Variants in PPP2R2A observed in about 807,000 individuals in gnomAD.
PPP2R2A encodes the protein serine/threonine-protein phosphatase 2A 55 kDa regulatory subunit B alpha isoform.
A neutral mutation model predicts 53.2 loss-of-function variants in PPP2R2A; 9 were observed. The ratio of observed to expected loss-of-function variants is 0.17; its 90% CI spans 0.10 to 0.30. The LOEUF (loss-of-function observed/expected upper bound fraction) is 0.30, where lower values mean the gene tolerates loss of function less well. Among genes scored for constraint, PPP2R2A ranks in the 10% least tolerant of loss-of-function variants. The probability of loss-of-function intolerance (pLI) is 1.00; values close to 1 mark genes in which losing one functional copy is unlikely to be tolerated. For missense variants in PPP2R2A, 235 were observed against 534.6 expected, an observed-to-expected ratio of 0.44 and a Z score of 5.53; for synonymous variants, 169 against 174.2, an observed-to-expected ratio of 0.97 and a Z score of 0.23.
intron 2 of PPP2R2A, among the ~76,000 whole-genome samples, chr8:26,297,343 A>G (rs893885197): frequency 6.6e-6 from 1 of 152,082 alleles, no homozygotes; most frequent in Non-Finnish European, 1.5e-5. Context: ...CCTGACCTCA[A>G]GTGATCCACC....
At chr8:26,361,793 C>T (rs1756825082) in intron 6 of PPP2R2A, among the ~76,000 whole-genome samples, 1 of 151,910 alleles carries the variant, frequency 6.6e-6, no homozygotes, top group Non-Finnish European at 1.5e-5. Flanking sequence ...AACCCCGTCT[C>T]TCCTAAAAAT....
At chr8:26,340,478 TA>T (rs1214254992) in intron 3 of PPP2R2A, among the ~76,000 whole-genome samples, 2 of 152,138 alleles carry the variant, frequency 1.3e-5, no homozygotes, top group Admixed American at 6.5e-5. Flanking sequence ...ACTTTACTTT[TA>T]TTTTAAAGAA....
chr8:26,364,936 G>C (rs537871271), intron 8 of PPP2R2A, among the ~76,000 whole-genome samples: 2 of 152,146 alleles, frequency 1.3e-5, no homozygotes, highest in Non-Finnish European at 2.9e-5. Context: ...GTATACCTGG[G>C]GTTCTTGGAA....
At chr8:26,310,481 T>G (rs1802236407) in intron 2 of PPP2R2A, among the ~76,000 whole-genome samples, 1 of 151,562 alleles carries the variant, frequency 6.6e-6, no homozygotes, top group Admixed American at 6.6e-5. Flanking sequence ...AGTTAACATA[T>G]ATGAGAAGAT....
At chr8:26,361,270 G>A in intron 6 of PPP2R2A, 119 bp downstream of exon 6, 1 of 918,778 alleles carries the variant, frequency 1.1e-6, no homozygotes. Context: ...ATATATGTAT[G>A]GCACCTTATT....
rs1476775274 is a variant in PPP2R2A at position 26,293,730 on chromosome 8, T to C, written c.72T>C (p.Asp24=). 2 of 1,613,780 alleles carry C rather than the reference T, an allele frequency of 1.2e-6. No individual in the cohort carries two copies. The highest frequency in any genetic ancestry group is 1.7e-6 in the Non-Finnish European group (2 of 1,179,784). ...FSQVKGAVDD[D]VAEADIISTV... is the part of the protein sequence containing the mutation. ...AGGTGAAAGGAGCAGTAGATGATGA[T>C]GTAGCAGAAGGTAAGAAAGCGTTTA... is the stretch of plus-strand genomic sequence containing the variant. The change falls in exon 2 of 10, where the codon GAT becomes GAC. Residue 24 remains aspartate, a synonymous_variant. Coordinates refer to ENST00000380737, the MANE Select transcript of PPP2R2A (RefSeq NM_002717.4).
chr8:26,291,510 G>T lies in PPP2R2A; in HGVS notation c.-310G>T, dbSNP rs1267652294. 1.7e-5 allele frequency: 7 copies of T among 408,600 alleles called. No individual in the cohort carries two copies. The South Asian group carries it at 1.8e-4, about 10-fold the overall frequency. The allele number at this position is 408,600 out of a possible 1,614,324, so 25.3% of individuals were successfully genotyped here. ...CCCCCTAGGTGACGTCACTGGCCAG[G>T]CCAGCCGGCGCCATTTTGAAAGTGG... On this transcript the variant is annotated 5_prime_UTR_variant, in exon 1 of 10. Coordinates refer to ENST00000380737, the MANE Select transcript of PPP2R2A (RefSeq NM_002717.4).
chr8:26,361,558 A>G (rs1805082638), intron 6 of PPP2R2A, among the ~76,000 whole-genome samples: 1 of 152,102 alleles, frequency 6.6e-6, no homozygotes, highest in African/African-American at 2.4e-5. Flanking sequence ...AGTGAGCTTG[A>G]TTGTGCCTCT....
chr8:26,342,789 A>G (rs949783395), intron 3 of PPP2R2A, among the ~76,000 whole-genome samples: 2 of 152,182 alleles, frequency 1.3e-5, no homozygotes, highest in Non-Finnish European at 2.9e-5. Flanking sequence ...CAGGATACAG[A>G]AGAAACCTTA....
intron 2 of PPP2R2A, among the ~76,000 whole-genome samples, chr8:26,299,786 G>A (rs1172751437): frequency 1.3e-5 from 2 of 151,316 alleles, no homozygotes; most frequent in African/African-American, 2.4e-5. Flanking sequence ...GTTTCTTAGA[G>A]TAGTATGCAT....
chr8:26,330,510 T>C (rs73217705), intron 2 of PPP2R2A, among the ~76,000 whole-genome samples: 23 of 151,918 alleles, frequency 1.5e-4, no homozygotes, highest in Non-Finnish European at 2.1e-4. Context: ...TTTGTTTTTT[T>C]AGTAGAGACA....
At chr8:26,293,891 A>G (rs1180826090) in intron 2 of PPP2R2A, 151 bp downstream of exon 2, 8 of 675,556 alleles carry the variant, frequency 1.2e-5, no homozygotes, top group South Asian at 2.0e-5. Context: ...TACCTTTCTG[A>G]AAAACAGCCT....
In PPP2R2A at chr8:26,319,726, A is replaced by AT. The variant is rs201283700; in HGVS notation, c.83-19155dup. Among the ~76,000 whole-genome samples, 108 of 151,642 alleles carry AT rather than the reference A, an allele frequency of 7.1e-4. 1 individual carries two copies. The highest frequency in any genetic ancestry group is 3.4e-3 in the Middle Eastern group (1 of 294). On this transcript the variant is annotated intron_variant, in intron 2 of 9. Coordinates refer to ENST00000380737, the MANE Select transcript of PPP2R2A (RefSeq NM_002717.4). ...CCATTGATAGAACCCATTAGGGTGG[A>AT]TTTTTTTTTATTTATACAAAAAGTG...
chr8:26,337,450 C>G (rs1194798819), intron 2 of PPP2R2A, among the ~76,000 whole-genome samples: 2 of 152,214 alleles, frequency 1.3e-5, no homozygotes, highest in African/African-American at 4.8e-5. Context: ...CTACTCTTTG[C>G]TCCTACTTAA....
intron 2 of PPP2R2A, among the ~76,000 whole-genome samples, chr8:26,337,418 T>C (rs1334808002): frequency 1.3e-5 from 2 of 152,192 alleles, no homozygotes; most frequent in Non-Finnish European, 2.9e-5. Context: ...ACCCTCAGAT[T>C]TGATTCAATA....
chr8:26,312,172 G>A (rs1474252043), intron 2 of PPP2R2A, among the ~76,000 whole-genome samples: 1 of 152,202 alleles, frequency 6.6e-6, no homozygotes, highest in Non-Finnish European at 1.5e-5. Context: ...AATAGAAATG[G>A]AAAGCAAATG....
In PPP2R2A at chr8:26,354,657, A is replaced by G. The variant is rs1286220864; in HGVS notation, c.346+24A>G. ...TGGTAAGTATACATATTTTCTTTCC[A>G]TGTGCCCACTGTGTGTACCTGTTGC... On this transcript the variant is annotated intron_variant, in intron 4 of 9. Coordinates refer to ENST00000380737, the MANE Select transcript of PPP2R2A (RefSeq NM_002717.4). The surrounding 1 kb of genome is among the most constrained non-coding windows in gnomAD (Gnocchi z 4.6). 2.6e-6 allele frequency: 4 copies of G among 1,549,798 alleles called. No individual in the cohort carries two copies. The African/African-American group carries it at 4.1e-5, about 16-fold the overall frequency.
intron 3 of PPP2R2A, among the ~76,000 whole-genome samples, chr8:26,346,675 C>T (rs1161291946): frequency 6.6e-6 from 1 of 152,166 alleles, no homozygotes; most frequent in Non-Finnish European, 1.5e-5. Flanking sequence ...TCTCTATAGC[C>T]TTTCAGAGTA....
At chr8:26,359,031 C>T in intron 4 of PPP2R2A, 1 of 447,018 alleles carries the variant, frequency 2.2e-6, no homozygotes, top group East Asian at 7.0e-5. Flanking sequence ...ACGCCACCAG[C>T]TGTAAGTCAT....
Sources: gnomAD v4.1 joint callset for allele counts (sites outside exome capture counted in the v4.1 genomes callset) on GRCh38, gnomAD v4.1.1 for gene constraint, Gnocchi (gnomAD v3.1) non-coding constraint, MANE v1.5 for transcripts, NCBI Gene and HGNC (gene_info 2026-07-23, HGNC 2026-07-21) for gene names.